Variants in BICC1 observed in about 807,000 individuals in gnomAD.
BICC1 encodes BicC family RNA binding protein 1, also known as protein bicaudal C homolog 1.
BICC1 carries 43 observed loss-of-function variants against 111.0 expected under a neutral mutation model. That is an observed-to-expected ratio of 0.39 (90% CI 0.30 to 0.50). The LOEUF is 0.50. BICC1 is among the 20% of genes least tolerant of loss of function. The probability of loss-of-function intolerance (pLI) is 0.88; values close to 1 mark genes in which losing one functional copy is unlikely to be tolerated. For synonymous variants in BICC1, 467 were observed against 434.4 expected, an observed-to-expected ratio of 1.07 and a Z score of -0.93; for missense variants, 1,091 against 1,203.2, an observed-to-expected ratio of 0.91 and a Z score of 1.38.
chr10:58,529,595 A>G (rs1396142856), intron 1 of BICC1, among the ~76,000 whole-genome samples: 1 of 151,890 alleles, frequency 6.6e-6, no homozygotes, highest in Non-Finnish European at 1.5e-5. Context: ...AGCCAGAGAA[A>G]TGTGTGTTTG....
chr10:58,708,608 A>G (rs906487901), intron 3 of BICC1, among the ~76,000 whole-genome samples: 1 of 152,188 alleles, frequency 6.6e-6, no homozygotes, highest in Admixed American at 6.5e-5. Context: ...ATAGGGCCCG[A>G]AGATTGGTTG....
At chr10:58,805,636 T>C (rs562730623) in intron 15 of BICC1, among the ~76,000 whole-genome samples, 14 of 152,370 alleles carry the variant, frequency 9.2e-5, no homozygotes, top group African/African-American at 2.9e-4. Context: ...TTTTATTATC[T>C]TGGCCTAATT....
At chr10:58,561,564 A>G (rs1007350426) in intron 1 of BICC1, among the ~76,000 whole-genome samples, 1 of 152,044 alleles carries the variant, frequency 6.6e-6, no homozygotes, top group Non-Finnish European at 1.5e-5. Flanking sequence ...CAGGATTACT[A>G]TTGATAGGTG....
intron 3 of BICC1, among the ~76,000 whole-genome samples, chr10:58,766,107 C>T (rs1049378640): frequency 6.6e-6 from 1 of 152,120 alleles, no homozygotes; most frequent in South Asian, 2.1e-4. Flanking sequence ...CCTGCTGATT[C>T]GAAGGTCTTG....
chr10:58,581,269 G>A (rs1243191414), intron 1 of BICC1, among the ~76,000 whole-genome samples: 5 of 151,902 alleles, frequency 3.3e-5, no homozygotes, highest in Admixed American at 2.6e-4. Context: ...CTAAATTTTG[G>A]TACTTAAAAC....
chr10:58,604,224 G>A (rs1247278259), intron 1 of BICC1, among the ~76,000 whole-genome samples: 1 of 152,214 alleles, frequency 6.6e-6, no homozygotes. Context: ...AGGTGGGGCA[G>A]TAGAACTCCT....
At chr10:58,615,643 C>T (rs1396781130) in intron 1 of BICC1, among the ~76,000 whole-genome samples, 1 of 152,134 alleles carries the variant, frequency 6.6e-6, no homozygotes, top group African/African-American at 2.4e-5. Flanking sequence ...CTCATCCACC[C>T]ACTCCTCAGT....
chr10:58,695,756 T>C (rs1396836595), intron 2 of BICC1, among the ~76,000 whole-genome samples: 1 of 152,216 alleles, frequency 6.6e-6, no homozygotes, highest in African/African-American at 2.4e-5. Context: ...CTGCGACATA[T>C]ATGGTTTAGT....
At chr10:58,548,857 A>G (rs1843210300) in intron 1 of BICC1, among the ~76,000 whole-genome samples, 2 of 151,742 alleles carry the variant, frequency 1.3e-5, no homozygotes, top group Admixed American at 1.3e-4. Flanking sequence ...TTTTTGTTTT[A>G]GTTTACTTTG....
At chr10:58,621,969 T>G (rs59993280) in intron 2 of BICC1, among the ~76,000 whole-genome samples, 5 of 55,974 alleles carry the variant, frequency 8.9e-5, no homozygotes, top group African/African-American at 2.9e-4. Flanking sequence ...TAGAATAGAA[T>G]AATCCAGCCT....
At chr10:58,770,401 G>T (rs1266142029) in intron 3 of BICC1, among the ~76,000 whole-genome samples, 1 of 152,004 alleles carries the variant, frequency 6.6e-6, no homozygotes, top group Non-Finnish European at 1.5e-5. Flanking sequence ...TCTCCACCAA[G>T]TAATTATGCT....
intron 10 of BICC1, 74 bp from the exon 11 acceptor site, chr10:58,798,325 G>A: frequency 8.9e-7 from 1 of 1,118,816 alleles, no homozygotes; most frequent in East Asian, 2.7e-5. Flanking sequence ...CATTCCCAAT[G>A]GCAATATTGG....
At chr10:58,676,913 T>A (rs1299919752) in intron 2 of BICC1, among the ~76,000 whole-genome samples, 2 of 152,218 alleles carry the variant, frequency 1.3e-5, no homozygotes, top group Non-Finnish European at 2.9e-5. Context: ...AAACAGGGTC[T>A]GCAGTGGACC....
intron 2 of BICC1, among the ~76,000 whole-genome samples, chr10:58,646,044 T>A (rs1346617886): frequency 6.6e-6 from 1 of 151,754 alleles, no homozygotes; most frequent in East Asian, 1.9e-4. Flanking sequence ...TTTTCTGGAA[T>A]AGCAATTAGA....
At chr10:58,692,209 G>T (rs12414774) in intron 2 of BICC1, among the ~76,000 whole-genome samples, 109,028 of 151,918 alleles carry the variant, frequency 0.72, 41,506 homozygotes, top group East Asian at 0.9. Context: ...GACCTCTGAT[G>T]GGGAGAGTTT....
chr10:58,648,121 C>T (rs1396370946), intron 2 of BICC1, among the ~76,000 whole-genome samples: 1 of 152,096 alleles, frequency 6.6e-6, no homozygotes. Context: ...AAAAAAAATG[C>T]TTTGCTTTTC....
At chr10:58,674,537 C>T (rs1839281135) in intron 2 of BICC1, among the ~76,000 whole-genome samples, 1 of 152,144 alleles carries the variant, frequency 6.6e-6, no homozygotes. Flanking sequence ...CTTTTCTAGA[C>T]ATCTGAGTCA....
intron 3 of BICC1, among the ~76,000 whole-genome samples, chr10:58,774,293 C>CT (rs1184480340): frequency 6.6e-6 from 1 of 152,008 alleles, no homozygotes; most frequent in African/African-American, 2.4e-5. Flanking sequence ...AAAGAAGGAA[C>CT]TTTTTTTTAG....
At chr10:58,617,943 T>C (rs1282776381) in intron 1 of BICC1, among the ~76,000 whole-genome samples, 5 of 152,216 alleles carry the variant, frequency 3.3e-5, no homozygotes, top group African/African-American at 1.2e-4. Context: ...CACCATGGGG[T>C]GGTTGCCCAC....
Sources: allele counts gnomAD v4.1 joint callset (sites outside exome capture counted in the v4.1 genomes callset), GRCh38; gene constraint gnomAD v4.1.1; transcripts MANE v1.5; gene names NCBI Gene and HGNC (gene_info 2026-07-23, HGNC 2026-07-21).